Variants in ATP2B2 observed in about 807,000 individuals in gnomAD.
The protein encoded by ATP2B2 is ATPase plasma membrane Ca2+ transporting 2, also known as plasma membrane calcium-transporting ATPase 2.
In ATP2B2, 15 loss-of-function variants were observed where a neutral mutation model predicts 120.0. That is an observed-to-expected ratio of 0.12 (90% CI 0.08 to 0.19). ATP2B2 has a LOEUF of 0.19. Ranked by LOEUF, ATP2B2 falls within the 10% of genes least tolerant of loss-of-function variation. The pLI, the probability that ATP2B2 is intolerant of heterozygous loss-of-function variation, is 1.00. For synonymous variants in ATP2B2, 694 were observed against 700.3 expected, an observed-to-expected ratio of 0.99 and a Z score of 0.14; for missense variants, 1,045 against 1,719.8, an observed-to-expected ratio of 0.61 and a Z score of 6.94.
intron 1 of ATP2B2, among the ~76,000 whole-genome samples, chr3:10,455,187 A>C (rs1366891878): frequency 6.6e-6 from 1 of 152,140 alleles, no homozygotes; most frequent in African/African-American, 2.4e-5. Context: ...GCCTACCTTA[A>C]GAGTTTTCTG....
At chr3:10,452,076 T>C (rs2064076677) in intron 1 of ATP2B2, among the ~76,000 whole-genome samples, 1 of 152,372 alleles carries the variant, frequency 6.6e-6, no homozygotes. Flanking sequence ...TGTGCAACAC[T>C]GTGAAGTGGA....
chr3:10,388,536 A>G (rs958334024), intron 5 of ATP2B2, 134 bp from the exon 6 acceptor site: 1 of 1,323,416 alleles, frequency 7.6e-7, no homozygotes, highest in African/African-American at 1.5e-5. Flanking sequence ...TATGGTTAAG[A>G]TTCACACTGT....
At chr3:10,554,736 C>A (rs2067742926) in intron 2 of ATP2B2, among the ~76,000 whole-genome samples, 2 of 152,228 alleles carry the variant, frequency 1.3e-5, no homozygotes, top group South Asian at 4.1e-4. Context: ...ACTTAGAAAT[C>A]TGCAATGCCT....
intron 2 of ATP2B2, among the ~76,000 whole-genome samples, chr3:10,614,343 C>G (rs935849549): frequency 1.3e-5 from 2 of 151,742 alleles, no homozygotes; most frequent in Non-Finnish European, 2.9e-5. Context: ...CCTCCTGGAA[C>G]GTTTTGCTTT....
intron 1 of ATP2B2, among the ~76,000 whole-genome samples, chr3:10,490,748 C>G (rs2065904038): frequency 6.6e-6 from 1 of 152,156 alleles, no homozygotes; most frequent in Admixed American, 6.5e-5. Context: ...AGCTCAGGAG[C>G]TGCACCCAGT....
At chr3:10,557,983 T>C (rs2067818324) in intron 2 of ATP2B2, among the ~76,000 whole-genome samples, 1 of 152,116 alleles carries the variant, frequency 6.6e-6, no homozygotes, top group Admixed American at 6.6e-5. Flanking sequence ...GGCCAGGCAG[T>C]GATACAGGGA....
chr3:10,443,872 G>A (rs576680239), intron 2 of ATP2B2, among the ~76,000 whole-genome samples: 1 of 152,326 alleles, frequency 6.6e-6, no homozygotes, highest in East Asian at 1.9e-4. Context: ...AGTGGAAGTA[G>A]TACAGTTCTC....
intron 14 of ATP2B2, 79 bp from the exon 15 acceptor site, chr3:10,350,656 C>A: frequency 6.7e-7 from 1 of 1,493,222 alleles, no homozygotes; most frequent in Non-Finnish European, 9.2e-7. Flanking sequence ...TCCAGAGGAG[C>A]CCTTCTCACA....
intron 1 of ATP2B2, among the ~76,000 whole-genome samples, chr3:10,622,367 T>C (rs2069575945): frequency 6.6e-6 from 1 of 152,152 alleles, no homozygotes; most frequent in Non-Finnish European, 1.5e-5. Context: ...GGAGGATGGT[T>C]CTTGGATGTC....
In ATP2B2 at chr3:10,375,400, C is replaced by T. The variant is rs748664525; in HGVS notation, c.1416+30G>A. On this transcript the variant is annotated intron_variant, in intron 11 of 22. Transcript: ENST00000360273. This position sits in a 1 kb window ranked among gnomAD's most constrained non-coding sequence, Gnocchi z 4.2. ...AGGCCCTCAGCTGCAGCTGCATCAG[C>T]CGGCTGGTCCTGCTCTCCTCCCCTC... The T allele has an allele frequency of 2.5e-5, 39 of 1,577,630 alleles. No individual in the cohort carries two copies. The highest frequency in any genetic ancestry group is 3.2e-5 in the Non-Finnish European group (37 of 1,151,796).
chr3:10,508,111 C>G (rs550389067), upstream of ATP2B2, among the ~76,000 whole-genome samples: 20 of 152,290 alleles, frequency 1.3e-4, no homozygotes, highest in African/African-American at 3.6e-4. Context: ...ACTAGAACTG[C>G]CACCTGGCCG....
At chr3:10,704,927 T>C (rs1229437068) in intron 1 of ATP2B2, among the ~76,000 whole-genome samples, 1 of 152,252 alleles carries the variant, frequency 6.6e-6, no homozygotes, top group Non-Finnish European at 1.5e-5. Flanking sequence ...ATAATAAGCA[T>C]ATTCTCTTAT....
rs150426926 is a variant in ATP2B2 at position 10,376,931 on chromosome 3, C to T, written c.1202-1287G>A. On this transcript the variant is annotated intron_variant, in intron 10 of 22. Coordinates refer to ENST00000360273, the MANE Select transcript of ATP2B2 (RefSeq NM_001001331.4). Reference sequence around the variant, plus strand: ...GGGAGTTCTCTGGAAATCTCAGCTGCCCCCGGCTTCTTCCCTAGCGTGGAC... The same window carrying T: ...GGGAGTTCTCTGGAAATCTCAGCTGTCCCCGGCTTCTTCCCTAGCGTGGAC... 6.4e-4 allele frequency among the ~76,000 whole-genome samples: 97 copies of T among 152,268 alleles called. 1 individual carries two copies. Among genetic ancestry groups the T allele is most frequent in the African/African-American group, 2.3e-3 (95 of 41,564 alleles).
intron 2 of ATP2B2, among the ~76,000 whole-genome samples, chr3:10,423,795 G>A (rs939899435): frequency 5.9e-5 from 9 of 152,206 alleles, no homozygotes; most frequent in Admixed American, 3.3e-4. Flanking sequence ...GCTTCTGCAC[G>A]TGGTGCCCCT....
intron 2 of ATP2B2, among the ~76,000 whole-genome samples, chr3:10,611,527 G>A (rs915739860): frequency 2.0e-5 from 3 of 152,154 alleles, no homozygotes; most frequent in Non-Finnish European, 4.4e-5. Flanking sequence ...AAGGGGTCAA[G>A]GAGCTCCCTG....
intron 2 of ATP2B2, among the ~76,000 whole-genome samples, chr3:10,447,179 T>C (rs1164601574): frequency 6.6e-6 from 1 of 152,194 alleles, no homozygotes; most frequent in African/African-American, 2.4e-5. Flanking sequence ...GGCTGGGACT[T>C]AGTAGCTGTG....
chr3:10,353,448 A>G (rs2125422210), intron 14 of ATP2B2, among the ~76,000 whole-genome samples: 1 of 152,226 alleles, frequency 6.6e-6, no homozygotes, highest in Non-Finnish European at 1.5e-5. Flanking sequence ...GGAACTGTCC[A>G]CTCTGCACTG....
intron 1 of ATP2B2, among the ~76,000 whole-genome samples, chr3:10,491,252 T>G (rs908334964): frequency 6.7e-6 from 1 of 148,468 alleles, no homozygotes; most frequent in Non-Finnish European, 1.5e-5. Flanking sequence ...TGAGACGGTG[T>G]TTCACTCTTG....
chr3:10,551,590 C>G (rs1357706199), intron 2 of ATP2B2, among the ~76,000 whole-genome samples: 1 of 152,246 alleles, frequency 6.6e-6, no homozygotes, highest in Non-Finnish European at 1.5e-5. Flanking sequence ...TAGGCTAACT[C>G]AGATTTAGAG....
Sources: allele counts gnomAD v4.1 joint callset (sites outside exome capture counted in the v4.1 genomes callset), GRCh38; gene constraint gnomAD v4.1.1; non-coding constraint Gnocchi (gnomAD v3.1); transcripts MANE v1.5; gene names NCBI Gene and HGNC (gene_info 2026-07-23, HGNC 2026-07-21).